Variants in CACNA2D3 observed in about 807,000 individuals in gnomAD.
The protein encoded by CACNA2D3 is calcium voltage-gated channel auxiliary subunit alpha2delta 3.
In CACNA2D3, 60 loss-of-function variants were observed where a neutral mutation model predicts 160.6. The ratio of observed to expected loss-of-function variants is 0.37; its 90% CI spans 0.30 to 0.46. The LOEUF is 0.46. CACNA2D3 is among the 20% of genes least tolerant of loss of function. The probability of loss-of-function intolerance (pLI) is 1.00; values close to 1 mark genes in which losing one functional copy is unlikely to be tolerated. For synonymous variants in CACNA2D3, 558 were observed against 492.9 expected, an observed-to-expected ratio of 1.13 and a Z score of -1.75; for missense variants, 1,205 against 1,365.0, an observed-to-expected ratio of 0.88 and a Z score of 1.85.
intron 5 of CACNA2D3, among the ~76,000 whole-genome samples, chr3:54,520,155 C>A (rs1376825940): frequency 6.6e-6 from 1 of 152,206 alleles, no homozygotes; most frequent in Non-Finnish European, 1.5e-5. Flanking sequence ...AAGTTCATTA[C>A]ATGTGCAAAG....
chr3:54,174,267 C>A (rs1478689910), intron 2 of CACNA2D3, among the ~76,000 whole-genome samples: 1 of 152,102 alleles, frequency 6.6e-6, no homozygotes, highest in East Asian at 1.9e-4. Context: ...GTTGGGACTT[C>A]CATTTTCAAA....
chr3:54,275,156 T>G (rs1260863808), intron 2 of CACNA2D3, among the ~76,000 whole-genome samples: 2 of 152,218 alleles, frequency 1.3e-5, no homozygotes, highest in Non-Finnish European at 2.9e-5. Flanking sequence ...ATCTTGTGCC[T>G]GATGGGCACT....
At chr3:54,834,967 T>A (rs1036916623) in intron 14 of CACNA2D3, among the ~76,000 whole-genome samples, 27 of 152,216 alleles carry the variant, frequency 1.8e-4, no homozygotes, top group Admixed American at 5.2e-4. Flanking sequence ...ACCCACATTA[T>A]GGAGAATAAT....
In CACNA2D3 at chr3:55,043,806, A is replaced by G. The variant is rs186872463; in HGVS notation, c.2987+25489A>G. Reference sequence around the variant, plus strand: ...TAGGTCTGTGATTCATTTGGAATTAATTTTTATACATGGTGTGATTTAGCA... The same window carrying G: ...TAGGTCTGTGATTCATTTGGAATTAGTTTTTATACATGGTGTGATTTAGCA... On this transcript the variant is annotated intron_variant, in intron 35 of 37. Transcript: ENST00000474759. Among the ~76,000 whole-genome samples, 125 of 152,264 alleles carry G rather than the reference A, an allele frequency of 8.2e-4. 1 individual carries two copies. The highest frequency in any genetic ancestry group is 1.5e-3 in the Non-Finnish European group (101 of 68,006).
intron 2 of CACNA2D3, among the ~76,000 whole-genome samples, chr3:54,180,354 A>G (rs1218563531): frequency 6.6e-6 from 1 of 152,180 alleles, no homozygotes. Context: ...CTTTGTCCTC[A>G]CAACAGCCCG....
chr3:54,347,200 T>C (rs1698475121), intron 3 of CACNA2D3, among the ~76,000 whole-genome samples: 1 of 152,160 alleles, frequency 6.6e-6, no homozygotes, highest in Admixed American at 6.5e-5. Context: ...ATGTTGTTAT[T>C]ACCCCTTCAC....
intron 9 of CACNA2D3, among the ~76,000 whole-genome samples, chr3:54,602,079 G>T (rs376215220): frequency 6.6e-6 from 1 of 152,272 alleles, no homozygotes; most frequent in East Asian, 1.9e-4. Context: ...CACAGTGCCT[G>T]GTTCCTGTCC....
intron 2 of CACNA2D3, among the ~76,000 whole-genome samples, chr3:54,182,332 AAT>A (rs1700799500): frequency 1.3e-5 from 2 of 152,316 alleles, no homozygotes; most frequent in South Asian, 4.1e-4. Flanking sequence ...CTCACTTGAT[AAT>A]GAGTTTTTTG....
intron 4 of CACNA2D3, among the ~76,000 whole-genome samples, chr3:54,479,443 G>A (rs187620090): frequency 1.1e-3 from 168 of 152,324 alleles, no homozygotes; most frequent in African/African-American, 3.8e-3. Flanking sequence ...ACTTCACAGC[G>A]AAAATTGATC....
intron 2 of CACNA2D3, among the ~76,000 whole-genome samples, chr3:54,171,031 A>G (rs1700555316): frequency 1.3e-5 from 2 of 151,908 alleles, no homozygotes. Context: ...GTGTGGACCA[A>G]ATGTTCCTGA....
chr3:54,154,394 C>A (rs1258262138), intron 2 of CACNA2D3, among the ~76,000 whole-genome samples: 1 of 152,024 alleles, frequency 6.6e-6, no homozygotes, highest in Non-Finnish European at 1.5e-5. Context: ...AATTAATGGG[C>A]CCAAGGTCAA....
intron 11 of CACNA2D3, among the ~76,000 whole-genome samples, chr3:54,663,481 T>G (rs1700007298): frequency 6.6e-6 from 1 of 151,664 alleles, no homozygotes; most frequent in Admixed American, 6.6e-5. Flanking sequence ...AGTCAGGAGG[T>G]TTGTGTGAAA....
chr3:54,422,613 G>T (rs1192841412), intron 4 of CACNA2D3, among the ~76,000 whole-genome samples: 3 of 152,042 alleles, frequency 2.0e-5, no homozygotes, highest in Non-Finnish European at 4.4e-5. Context: ...AGTAATCAGG[G>T]AAAAGTAAAT....
At chr3:54,463,844 G>A (rs1481693302) in intron 4 of CACNA2D3, among the ~76,000 whole-genome samples, 2 of 152,240 alleles carry the variant, frequency 1.3e-5, no homozygotes, top group South Asian at 2.1e-4. Flanking sequence ...GAGGAGAGGC[G>A]CTCTGCTTTT....
chr3:54,803,235 G>T (rs551405641), intron 13 of CACNA2D3, among the ~76,000 whole-genome samples: 2 of 152,374 alleles, frequency 1.3e-5, no homozygotes, highest in African/African-American at 4.8e-5. Flanking sequence ...GTTGAGGGAA[G>T]AAGGCTTCAG....
intron 13 of CACNA2D3, among the ~76,000 whole-genome samples, chr3:54,779,416 A>G (rs1702490601): frequency 6.6e-6 from 1 of 152,198 alleles, no homozygotes; most frequent in South Asian, 2.1e-4. Flanking sequence ...GAATTTTTAA[A>G]CAAGATTTTG....
intron 27 of CACNA2D3, among the ~76,000 whole-genome samples, chr3:54,927,273 C>A (rs904769727): frequency 6.6e-6 from 1 of 152,154 alleles, no homozygotes; most frequent in Non-Finnish European, 1.5e-5. Context: ...AGAGAGCCTT[C>A]TGAAAGAGAG....
At chr3:54,513,531 C>A (rs1701492223) in intron 5 of CACNA2D3, among the ~76,000 whole-genome samples, 1 of 152,170 alleles carries the variant, frequency 6.6e-6, no homozygotes, top group East Asian at 1.9e-4. Flanking sequence ...CTCAGAATTA[C>A]TCAGCTAGCA....
intron 17 of CACNA2D3, among the ~76,000 whole-genome samples, chr3:54,864,061 TC>T (rs1699350294): frequency 6.6e-6 from 1 of 152,174 alleles, no homozygotes; most frequent in South Asian, 2.1e-4. Context: ...CCATTGGGCA[TC>T]TTGTCTAGAG....
Sources: allele counts gnomAD v4.1 joint callset (sites outside exome capture counted in the v4.1 genomes callset), GRCh38; gene constraint gnomAD v4.1.1; transcripts MANE v1.5; gene names NCBI Gene and HGNC (gene_info 2026-07-23, HGNC 2026-07-21).